Variants in LANCL1 observed in about 807,000 individuals in gnomAD.
LANCL1 encodes the protein glutathione S-transferase LANCL1.
LANCL1 carries 50 observed loss-of-function variants against 50.6 expected under a neutral mutation model. The ratio of observed to expected loss-of-function variants is 0.99; its 90% CI spans 0.79 to 1.25. LANCL1 has a LOEUF of 1.25. Ranked by LOEUF, LANCL1 falls within the 50% of genes most tolerant of loss-of-function variation. The pLI, the probability that LANCL1 is intolerant of heterozygous loss-of-function variation, is 0.00. For missense variants in LANCL1, 532 were observed against 480.7 expected, an observed-to-expected ratio of 1.11 and a Z score of -1.00; for synonymous variants, 188 against 178.6, an observed-to-expected ratio of 1.05 and a Z score of -0.42.
Position 210,452,312 on chromosome 2 carries a change from GAGCGCTTC to G in LANCL1, c.407+2787_407+2794del, listed in dbSNP as rs1368935504. On this transcript the variant is annotated intron_variant, in intron 4 of 9. Coordinates refer to ENST00000450366, the MANE Select transcript of LANCL1 (RefSeq NM_006055.3). ...TATATATTTCTGGACCAGAAAGCCA[GAGCGCTTC>G]ATCATTCTAAGTACTGGCCCCAAAG... is the stretch of plus-strand genomic sequence containing the variant. Among the ~76,000 whole-genome samples the G allele has an allele frequency of 1.7e-4, 26 of 151,534 alleles. No homozygotes were observed. The East Asian group carries it at 4.1e-3, about 24-fold the overall frequency.
At chr2:210,444,362 T>G (rs1428495683) in intron 4 of LANCL1, among the ~76,000 whole-genome samples, 1 of 152,080 alleles carries the variant, frequency 6.6e-6, no homozygotes. Context: ...TCCACACGCT[T>G]GTGGTGAGGG....
chr2:210,451,096 T>C (rs1254555071), intron 4 of LANCL1, among the ~76,000 whole-genome samples: 2 of 152,156 alleles, frequency 1.3e-5, no homozygotes, highest in South Asian at 2.1e-4. Flanking sequence ...CCACCAAAGA[T>C]AGACTGGATA....
At chr2:210,446,752 T>C (rs1693347418) in intron 4 of LANCL1, among the ~76,000 whole-genome samples, 1 of 151,918 alleles carries the variant, frequency 6.6e-6, no homozygotes, top group Non-Finnish European at 1.5e-5. Flanking sequence ...GAAGAAAGGA[T>C]ATCAGAGATT....
intron 3 of LANCL1, among the ~76,000 whole-genome samples, chr2:210,466,356 A>G (rs1174326222): frequency 6.6e-6 from 1 of 152,128 alleles, no homozygotes; most frequent in Non-Finnish European, 1.5e-5. Context: ...TACACTGTGG[A>G]GATAAAAGTG....
chr2:210,452,983 A>C (rs1189947829), intron 4 of LANCL1, among the ~76,000 whole-genome samples: 1 of 152,166 alleles, frequency 6.6e-6, no homozygotes, highest in East Asian at 1.9e-4. Flanking sequence ...CTTGAAATTA[A>C]GTCAAATTTC....
At chr2:210,467,629 G>A (rs1694105644) in intron 3 of LANCL1, among the ~76,000 whole-genome samples, 1 of 152,176 alleles carries the variant, frequency 6.6e-6, no homozygotes, top group Admixed American at 6.5e-5. Context: ...TTCCTCAACA[G>A]CAAGCTATTA....
chr2:210,452,959 A>G (rs1206836688), intron 4 of LANCL1, among the ~76,000 whole-genome samples: 1 of 152,182 alleles, frequency 6.6e-6, no homozygotes, highest in African/African-American at 2.4e-5. Flanking sequence ...CTTATATTAA[A>G]TAATTTTGGA....
chr2:210,445,209 G>A lies in LANCL1; in HGVS notation c.408-3766C>T, dbSNP rs191015502. 7.3e-4 allele frequency among the ~76,000 whole-genome samples: 111 copies of A among 152,062 alleles called. 2 individuals carry two copies. In the South Asian group the frequency reaches 0.023, roughly 32 times the overall value. On this transcript the variant is annotated intron_variant, in intron 4 of 9. Coordinates refer to ENST00000450366, the MANE Select transcript of LANCL1 (RefSeq NM_006055.3). Reference sequence around the variant, plus strand: ...TACTGTTCTATGGAAGTATTACACCGAATTACTGCATTGATTCCAATGATA... The same window carrying A: ...TACTGTTCTATGGAAGTATTACACCAAATTACTGCATTGATTCCAATGATA...
chr2:210,438,138 T>C (rs1324840930), intron 6 of LANCL1, among the ~76,000 whole-genome samples: 2 of 149,146 alleles, frequency 1.3e-5, no homozygotes, highest in African/African-American at 2.5e-5. Context: ...TCTTTCTTTT[T>C]TTTTTTTTTT....
intron 3 of LANCL1, among the ~76,000 whole-genome samples, chr2:210,461,146 C>T (rs1411146376): frequency 5.9e-5 from 9 of 151,588 alleles, no homozygotes; most frequent in African/African-American, 2.2e-4. Context: ...TTTTTCTGAT[C>T]TGTTTCACAC....
At chr2:210,453,775 T>G (rs1693578771) in intron 4 of LANCL1, among the ~76,000 whole-genome samples, 1 of 152,144 alleles carries the variant, frequency 6.6e-6, no homozygotes, top group South Asian at 2.1e-4. Context: ...TAGGTGAGTA[T>G]GGAACAGTTT....
At chr2:210,459,124 T>C (rs956908426) in intron 3 of LANCL1, among the ~76,000 whole-genome samples, 4 of 152,122 alleles carry the variant, frequency 2.6e-5, no homozygotes, top group Non-Finnish European at 4.4e-5. Context: ...TAAATTTTGA[T>C]TGAACTTAAT....
intron 3 of LANCL1, among the ~76,000 whole-genome samples, chr2:210,465,892 G>T (rs1694041873): frequency 6.6e-6 from 1 of 152,172 alleles, no homozygotes; most frequent in Admixed American, 6.5e-5. Flanking sequence ...CATTAGTAAG[G>T]AAGAGAAATG....
rs949954364 is a variant in LANCL1, at chr2:210,471,978, G to A, written c.180C>T (p.Thr60=). 11 of 1,612,830 alleles carry A rather than the reference G, an allele frequency of 6.8e-6. No individual in the cohort carries two copies. Among genetic ancestry groups the A allele is most frequent in the African/African-American group, 4.0e-5 (3 of 74,892 alleles). Residue 60 remains threonine (T), a synonymous_variant, in exon 3 of 10, where the codon ACC becomes ACT. Coordinates refer to ENST00000450366, the MANE Select transcript of LANCL1 (RefSeq NM_006055.3). ...GLKSADPRDG[T]GYTGWAGIAV... ...TCATACCTGCCCAGCCAGTGTAACCGGTGCCATCCCGAGGGTCTGCTGATT... is the reference window on the plus strand; with the variant it reads ...TCATACCTGCCCAGCCAGTGTAACCAGTGCCATCCCGAGGGTCTGCTGATT...
rs935497898 is a variant in LANCL1 at position 210,452,077 on chromosome 2, A to C, written c.407+3030T>G. 2.0e-5 allele frequency among the ~76,000 whole-genome samples: 3 copies of C among 152,266 alleles called. No homozygotes were observed. The South Asian group carries it at 6.2e-4, about 32-fold the overall frequency. ...GGGTACAGTTTCTGTTGGAGTAATA[A>C]AACATTTTTTGAAAATAAATAGTGC... On this transcript the variant is annotated intron_variant, in intron 4 of 9. Transcript: ENST00000450366.
intron 3 of LANCL1, among the ~76,000 whole-genome samples, chr2:210,461,889 T>C (rs1285812907): frequency 6.6e-6 from 1 of 152,206 alleles, no homozygotes; most frequent in African/African-American, 2.4e-5. Flanking sequence ...TCCCTTGGGT[T>C]TACTTAACTT....
upstream of LANCL1, among the ~76,000 whole-genome samples, chr2:210,477,007 A>AT (rs1021190383): frequency 4.0e-5 from 6 of 151,306 alleles, no homozygotes; most frequent in African/African-American, 1.5e-4. Context: ...AGAAGTATAT[A>AT]TTTTTTTAAC....
At chr2:210,447,393 G>T (rs1693376850) in intron 4 of LANCL1, among the ~76,000 whole-genome samples, 1 of 152,164 alleles carries the variant, frequency 6.6e-6, no homozygotes, top group Non-Finnish European at 1.5e-5. Context: ...ACCAGCTACT[G>T]CAAAAACATA....
chr2:210,462,516 T>C (rs1693895027), intron 3 of LANCL1, among the ~76,000 whole-genome samples: 1 of 152,216 alleles, frequency 6.6e-6, no homozygotes, highest in African/African-American at 2.4e-5. Flanking sequence ...GAGCTACCAA[T>C]TGATTTCAGA....
Sources: allele counts gnomAD v4.1 joint callset (sites outside exome capture counted in the v4.1 genomes callset), GRCh38; gene constraint gnomAD v4.1.1; transcripts MANE v1.5; gene names NCBI Gene and HGNC (gene_info 2026-07-23, HGNC 2026-07-21).